Variants in ESYT2 observed in about 807,000 individuals in gnomAD.
ESYT2 encodes extended synaptotagmin-2.
Under a neutral mutation model 107.2 loss-of-function variants are expected in ESYT2, and 54 were observed. The ratio of observed to expected loss-of-function variants is 0.50; its 90% confidence interval spans 0.40 to 0.63. The LOEUF (loss-of-function observed/expected upper bound fraction) is 0.63, where lower values mean the gene tolerates loss of function less well. ESYT2 is among the 30% of genes least tolerant of loss of function. The pLI is 0.00. For missense variants in ESYT2, 1,020 were observed against 1,094.5 expected (o/e 0.93, Z 0.96); for synonymous variants, 491 against 434.1 (o/e 1.13, Z -1.63).
At chr7:158,738,360 C>A (rs1480161167) in intron 19 of ESYT2, among the ~76,000 whole-genome samples, 74 of 149,584 alleles carry the variant, frequency 4.9e-4, no homozygotes, top group Middle Eastern at 3.5e-3. Context: ...CACACACACA[C>A]ACACACACAC....
chr7:158,767,004 G>GT (rs1838188238), intron 8 of ESYT2, among the ~76,000 whole-genome samples: 1 of 152,340 alleles, frequency 6.6e-6, no homozygotes, highest in East Asian at 1.9e-4. Flanking sequence ...GGTGACATCA[G>GT]TATCTGCAAC....
chr7:158,743,866 G>A (rs1451858333), intron 16 of ESYT2, 188 bp from the exon 17 acceptor site: 4 of 542,674 alleles, frequency 7.4e-6, no homozygotes, highest in Non-Finnish European at 1.2e-5. Context: ...TGAGGCCAGG[G>A]GTTCGAGACC....
chr7:158,795,976 G>C (rs62480282), intron 3 of ESYT2, among the ~76,000 whole-genome samples: 19,379 of 152,236 alleles, frequency 0.13, 1,383 homozygotes, highest in African/African-American at 0.2. Context: ...TCTGCACACA[G>C]AAAGTCAGCT....
rs1239700982 is a variant in ESYT2, at chr7:158,749,699, G to C, written c.1507C>G (p.Pro503Ala). Residue 503 changes from proline (P) to alanine (A), a missense_variant, in exon 15 of 23, where the codon CCA (proline) becomes GCA (alanine). Pro to Ala is a conservative substitution (Grantham distance 27). Transcript: ENST00000275418. ...ACTGACATCTGGACAACAGGATTTG[G>C]GTTGCTGCTTATTTTCTTCCCTGAC... is the stretch of plus-strand genomic sequence containing the variant. Reference protein sequence around the residue: ...LKSGKKISSNPNPVVQMSVGH... With the variant: ...LKSGKKISSNANPVVQMSVGH... 8 of 1,613,538 alleles carry C rather than the reference G, an allele frequency of 5.0e-6. No individual in the cohort carries two copies. In the Middle Eastern group the frequency reaches 6.6e-4, roughly 133 times the overall value.
intron 8 of ESYT2, among the ~76,000 whole-genome samples, chr7:158,765,867 G>A (rs1047998231): frequency 6.6e-6 from 1 of 152,026 alleles, no homozygotes; most frequent in Non-Finnish European, 1.5e-5. Flanking sequence ...GTCACCTTTT[G>A]GTAGGAAGCA....
chr7:158,772,651 G>A (rs1262249917), intron 7 of ESYT2, among the ~76,000 whole-genome samples: 3 of 152,064 alleles, frequency 2.0e-5, no homozygotes, highest in African/African-American at 7.2e-5. Context: ...TCAGGTAATG[G>A]CACCACGGCA....
intron 3 of ESYT2, 77 bp downstream of exon 3, chr7:158,797,865 A>AAG: frequency 6.4e-7 from 1 of 1,558,170 alleles, no homozygotes; most frequent in African/African-American, 1.4e-5. Flanking sequence ...AGAAAAAAAA[A>AAG]AAAAGAAAAT....
Position 158,731,252 on chromosome 7 carries a change from C to T in ESYT2, c.*2955G>A, listed in dbSNP as rs1324945815. The stretch of plus-strand genomic sequence containing the variant: ...ATAAAGAATGTCTGTAAAAGGAATT[C>T]TTACCGTGCAGAATATATTATCATG... On this transcript the variant is annotated 3_prime_UTR_variant, in exon 23 of 23. Coordinates refer to ENST00000275418, the MANE Select transcript of ESYT2 (RefSeq NM_001367773.1). 6.6e-6 allele frequency: 1 copy of T among 152,202 alleles called. No individual in the cohort carries two copies. Among genetic ancestry groups the T allele is most frequent in the Non-Finnish European group, 1.5e-5 (1 of 68,042 alleles). 9.4% of individuals were successfully genotyped at this position (152,202 alleles called of 1,614,324 possible).
intron 6 of ESYT2, among the ~76,000 whole-genome samples, chr7:158,787,165 G>GT (rs573419664): frequency 1.2e-4 from 19 of 152,188 alleles, no homozygotes; most frequent in Non-Finnish European, 2.2e-4. Context: ...TCTGGTGGGA[G>GT]TAACAGTTCT....
At chr7:158,789,149 A>G (rs1311820575) in intron 4 of ESYT2, among the ~76,000 whole-genome samples, 4 of 152,152 alleles carry the variant, frequency 2.6e-5, no homozygotes, top group Non-Finnish European at 4.4e-5. Flanking sequence ...TAAATGCTAG[A>G]AAGGGAATGT....
rs115289527 is a variant in ESYT2 at position 158,750,960 on chromosome 7, T to C, written c.1483-1237A>G. Among the ~76,000 whole-genome samples, 712 of 152,340 alleles carry C rather than the reference T, an allele frequency of 4.7e-3. 2 individuals are homozygous for C. Among genetic ancestry groups the C allele is most frequent in the African/African-American group, 0.016 (653 of 41,576 alleles). The stretch of plus-strand genomic sequence containing the variant: ...TCACCTACTGCTACTTCTAAGTCAG[T>C]TCTATTATTAGATACAGAAACCAAG... On this transcript the variant is annotated intron_variant, in intron 14 of 22. Coordinates refer to ENST00000275418, the MANE Select transcript of ESYT2 (RefSeq NM_001367773.1).
intron 6 of ESYT2, among the ~76,000 whole-genome samples, chr7:158,774,061 G>C (rs1034075145): frequency 2.0e-5 from 3 of 152,114 alleles, no homozygotes; most frequent in African/African-American, 7.2e-5. Context: ...AAGTAGATGT[G>C]GGTTGATGAA....
chr7:158,806,236 A>G (rs923877583), intron 1 of ESYT2, among the ~76,000 whole-genome samples: 1 of 152,228 alleles, frequency 6.6e-6, no homozygotes, highest in Non-Finnish European at 1.5e-5. Context: ...CTATTTCTTC[A>G]TTAGACAAGT....
intron 1 of ESYT2, among the ~76,000 whole-genome samples, chr7:158,808,531 A>G (rs1367787939): frequency 1.3e-5 from 2 of 152,278 alleles, no homozygotes; most frequent in African/African-American, 4.8e-5. Flanking sequence ...CGACTTACTA[A>G]GTATCATACG....
intron 15 of ESYT2, among the ~76,000 whole-genome samples, chr7:158,749,242 G>T (rs1445273180): frequency 1.3e-5 from 2 of 152,100 alleles, no homozygotes; most frequent in Admixed American, 6.5e-5. Flanking sequence ...GAGTAGCTGG[G>T]ATTACAGGCA....
intron 18 of ESYT2, among the ~76,000 whole-genome samples, chr7:158,740,719 G>A (rs987830399): frequency 1.3e-5 from 2 of 152,178 alleles, no homozygotes; most frequent in African/African-American, 4.8e-5. Flanking sequence ...GAGAAGGAAT[G>A]TTTTCTTCTT....
chr7:158,808,327 C>T (rs577012273), intron 1 of ESYT2, among the ~76,000 whole-genome samples: 2 of 152,366 alleles, frequency 1.3e-5, no homozygotes, highest in African/African-American at 2.4e-5. Flanking sequence ...GGCACGTTCG[C>T]GCCGAGCATG....
At chr7:158,788,201 T>G in intron 5 of ESYT2, 108 bp from the exon 6 acceptor site, 1 of 1,180,598 alleles carries the variant, frequency 8.5e-7, no homozygotes, top group Non-Finnish European at 1.2e-6. Flanking sequence ...ATGTGACTTC[T>G]TATTTATCTC....
Position 158,763,174 on chromosome 7 carries a change from T to C in ESYT2, c.1102-9A>G. On this transcript the variant is annotated splice_polypyrimidine_tract_variant and intron_variant, in intron 9 of 22. Coordinates refer to ENST00000275418, the MANE Select transcript of ESYT2 (RefSeq NM_001367773.1). ...TGTTCATACACTAAAGCCTAAAACA[T>C]CAATGGTTAGTAGTTAAGTGCATTT... 2 of 1,608,852 alleles carry C rather than the reference T, an allele frequency of 1.2e-6. No homozygotes were observed. Among genetic ancestry groups the C allele is most frequent in the Non-Finnish European group, 1.7e-6 (2 of 1,176,502 alleles).
Sources: allele counts gnomAD v4.1 joint callset (sites outside exome capture counted in the v4.1 genomes callset), GRCh38; gene constraint gnomAD v4.1.1; transcripts MANE v1.5; gene names NCBI Gene and HGNC (gene_info 2026-07-23, HGNC 2026-07-21).